Variants in BCAR3 observed in about 807,000 individuals in gnomAD.
BCAR3 encodes the protein breast cancer anti-estrogen resistance protein 3.
A neutral mutation model predicts 80.1 loss-of-function variants in BCAR3; 37 were observed. That is an observed-to-expected ratio of 0.46 (90% CI 0.36 to 0.61). BCAR3 has a LOEUF of 0.61. Ranked by LOEUF, BCAR3 falls within the 20% of genes least tolerant of loss-of-function variation. The probability of loss-of-function intolerance (pLI) is 0.00; values close to 1 mark genes in which losing one functional copy is unlikely to be tolerated. For synonymous variants in BCAR3, 389 were observed against 418.9 expected, an observed-to-expected ratio of 0.93 and a Z score of 0.87; for missense variants, 978 against 1,068.2, an observed-to-expected ratio of 0.92 and a Z score of 1.18.
rs776052693 is a variant in BCAR3 at position 93,584,056 on chromosome 1, G to A, written c.995C>T (p.Ser332Phe). 2 of 1,614,144 alleles carry A rather than the reference G, an allele frequency of 1.2e-6. No individual in the cohort carries two copies. Among genetic ancestry groups the A allele is most frequent in the Admixed American group, 3.3e-5 (2 of 60,026 alleles). The change falls in exon 6 of 12, where the codon TCC (serine) becomes TTC (phenylalanine). Residue 332 changes from serine (S) to phenylalanine (F), a missense_variant. By Grantham distance (155) the Ser-to-Phe change is radical (BLOSUM62 -2). Coordinates refer to ENST00000260502, the MANE Select transcript of BCAR3 (RefSeq NM_003567.4). The stretch of plus-strand genomic sequence containing the variant: ...GCTCTCTGACTGGTGGGCTTTGAGG[G>A]ACAAGGCTCTTCTGTCCTGCATGTG... ...LDHMQDRRAL[S>F]LKAHQSESYL... is the part of the protein sequence containing the mutation.
chr1:93,578,054 G>C (rs1673528149), intron 7 of BCAR3, among the ~76,000 whole-genome samples: 1 of 152,202 alleles, frequency 6.6e-6, no homozygotes, highest in South Asian at 2.1e-4. Context: ...AGCATTTACT[G>C]TGAGCCGACT....
upstream of BCAR3, among the ~76,000 whole-genome samples, chr1:93,684,721 G>GTGTTTTT (rs57898595): frequency 0.024 from 3,020 of 127,142 alleles, 99 homozygotes; most frequent in African/African-American, 0.11. Context: ...TTTGAATCAG[G>GTGTTTTT]TGTTTTTTGT....
At chr1:93,634,394 T>C (rs1675714038) in intron 3 of BCAR3, among the ~76,000 whole-genome samples, 1 of 152,096 alleles carries the variant, frequency 6.6e-6, no homozygotes, top group Non-Finnish European at 1.5e-5. Flanking sequence ...ATCTGATGTT[T>C]AAAATGGGGA....
intron 2 of BCAR3, among the ~76,000 whole-genome samples, chr1:93,757,114 G>A (rs1651774778): frequency 6.6e-6 from 1 of 152,182 alleles, no homozygotes; most frequent in South Asian, 2.1e-4. Flanking sequence ...CTGATGGGCA[G>A]GTTAGTGTGT....
intron 3 of BCAR3, among the ~76,000 whole-genome samples, chr1:93,695,914 TG>T (rs1295042039): frequency 6.6e-6 from 1 of 152,230 alleles, no homozygotes; most frequent in Admixed American, 6.5e-5. Flanking sequence ...GTTTCCAGCC[TG>T]TCTTTCTGTG....
chr1:93,745,165 G>C (rs1210233637), intron 2 of BCAR3, among the ~76,000 whole-genome samples: 1 of 152,220 alleles, frequency 6.6e-6, no homozygotes, highest in Non-Finnish European at 1.5e-5. Flanking sequence ...CACCATGTGG[G>C]GCAGAAGCAG....
At chr1:93,675,468 C>G (rs996013841) in intron 1 of BCAR3, among the ~76,000 whole-genome samples, 19 of 152,268 alleles carry the variant, frequency 1.2e-4, no homozygotes, top group Middle Eastern at 3.4e-3. Flanking sequence ...ATAAATAAAT[C>G]AATGCACTCT....
intron 3 of BCAR3, among the ~76,000 whole-genome samples, chr1:93,613,193 A>G (rs1675006578): frequency 6.6e-6 from 1 of 152,200 alleles, no homozygotes; most frequent in South Asian, 2.1e-4. Context: ...GCCTATATTA[A>G]TCTTAATTCC....
At chr1:93,635,333 GT>G (rs1028779605) in intron 3 of BCAR3, among the ~76,000 whole-genome samples, 1 of 151,138 alleles carries the variant, frequency 6.6e-6, no homozygotes, top group Non-Finnish European at 1.5e-5. Context: ...TCCAGTTTTT[GT>G]TTTTGTCAAT....
At chr1:93,581,598 CG>C (rs1673713942) in intron 7 of BCAR3, among the ~76,000 whole-genome samples, 2 of 152,056 alleles carry the variant, frequency 1.3e-5, no homozygotes, top group Admixed American at 1.3e-4. Context: ...TTAGTAGAGA[CG>C]GGGTTTCTCC....
intron 3 of BCAR3, among the ~76,000 whole-genome samples, chr1:93,704,538 A>C (rs1369820886): frequency 6.6e-6 from 1 of 152,338 alleles, no homozygotes; most frequent in East Asian, 1.9e-4. Context: ...CTGGTGCCAT[A>C]GCCATGGAGC....
chr1:93,639,828 T>G (rs1675923474), intron 3 of BCAR3, among the ~76,000 whole-genome samples: 1 of 152,078 alleles, frequency 6.6e-6, no homozygotes, highest in East Asian at 1.9e-4. Context: ...GGGCTGGAGC[T>G]CCTGCCAGTA....
At position 93,567,472 on chromosome 1, in the gene BCAR3, T is replaced by C. The variant is rs1434720643; in HGVS notation, c.2106A>G (p.Pro702=). The change falls in exon 11 of 12, where the codon CCA becomes CCG. Residue 702 remains proline, a synonymous_variant. Coordinates refer to ENST00000260502, the MANE Select transcript of BCAR3 (RefSeq NM_003567.4). ...HEGRESTCVP[P]NNVSVPLLMP... is the part of the protein sequence containing the mutation. ...TCAGCAGTGGGACTGATACATTGTT[T>C]GGGGGAACACATGTGGACTCTGAAG... is the stretch of plus-strand genomic sequence containing the variant. 1.2e-6 allele frequency: 2 copies of C among 1,614,224 alleles called. No homozygotes were observed. The highest frequency in any genetic ancestry group is 2.2e-5 in the East Asian group (1 of 44,886).
intron 2 of BCAR3, among the ~76,000 whole-genome samples, chr1:93,771,830 T>C (rs1205411394): frequency 6.6e-6 from 1 of 152,194 alleles, no homozygotes; most frequent in Non-Finnish European, 1.5e-5. Context: ...TTCTCCACAA[T>C]ACACCCTTCC....
In BCAR3 at chr1:93,746,687, G is replaced by A. The variant is rs138000814; in HGVS notation, c.-62-40545C>T. 4.3e-3 allele frequency among the ~76,000 whole-genome samples: 647 copies of A among 152,118 alleles called. 5 individuals are homozygous for A. The highest frequency in any genetic ancestry group is 7.4e-3 in the Non-Finnish European group (504 of 68,002). ...CCATTCTGAGCCACTCCTTAGTTTC[G>A]ACTTTCTCTTTGTTTTTCCCTTTGC... On this transcript the variant is annotated intron_variant, in intron 2 of 13. Coordinates refer to the BCAR3 transcript ENST00000370244.
chr1:93,697,540 G>T (rs1473208951), intron 3 of BCAR3, among the ~76,000 whole-genome samples: 2 of 152,180 alleles, frequency 1.3e-5, no homozygotes, highest in East Asian at 3.9e-4. Context: ...ATAGGTGGGG[G>T]ATTCTCACTA....
At chr1:93,643,786 T>C (rs182841960) in intron 2 of BCAR3, among the ~76,000 whole-genome samples, 46 of 152,222 alleles carry the variant, frequency 3.0e-4, no homozygotes, top group Non-Finnish European at 6.0e-4. Flanking sequence ...TCAACTGATC[T>C]TGCCACAAAA....
In BCAR3 at chr1:93,567,231, C is replaced by A. The variant is rs1229320900; in HGVS notation, c.2299+48G>T. Reference sequence around the variant, plus strand: ...GCCATGCTCTTCCATTCCTTCATTTCAATTACGATACAGTGTTAGAGAACA... The same window carrying A: ...GCCATGCTCTTCCATTCCTTCATTTAAATTACGATACAGTGTTAGAGAACA... On this transcript the variant is annotated intron_variant, in intron 11 of 11. Coordinates refer to ENST00000260502, the MANE Select transcript of BCAR3 (RefSeq NM_003567.4). 2.5e-6 allele frequency: 4 copies of A among 1,588,980 alleles called. No homozygotes were observed. In the African/African-American group the frequency reaches 4.0e-5, roughly 16 times the overall value.
At chr1:93,568,185 C>CA (rs766506956) in intron 9 of BCAR3, 4,781 of 128,154 alleles carry the variant, frequency 0.037, 216 homozygotes, top group African/African-American at 0.12. Context: ...GACCCTGTCT[C>CA]AAAAAAAAAA....
Sources: gnomAD v4.1 joint callset for allele counts (sites outside exome capture counted in the v4.1 genomes callset) on GRCh38, gnomAD v4.1.1 for gene constraint, MANE v1.5 for transcripts, NCBI Gene and HGNC (gene_info 2026-07-23, HGNC 2026-07-21) for gene names.